CERS2: variants seen among roughly 807,000 people sequenced by gnomAD.
The protein encoded by CERS2 is ceramide synthase 2.
A neutral mutation model predicts 56.6 loss-of-function variants in CERS2; 20 were observed. The ratio of observed to expected loss-of-function variants is 0.35; its 90% CI spans 0.25 to 0.51. The LOEUF (loss-of-function observed/expected upper bound fraction) is 0.51. Among genes scored for constraint, CERS2 ranks in the 20% least tolerant of loss-of-function variants. CERS2 has a pLI of 0.96. For missense variants in CERS2, 361 were observed against 488.6 expected (o/e 0.74, Z 2.46); for synonymous variants, 187 against 175.4 (o/e 1.07, Z -0.52).
rs186574188 is a variant in CERS2, at chr1:150,966,918, C to G, written c.742-56G>C. ...GGCTCCTGACTCCCTCGAGTACATT[C>G]ATATGTACACTCCAGTTAGGAGCAC... On this transcript the variant is annotated intron_variant, in intron 8 of 10. Transcript: ENST00000368954. 114 of 1,416,580 alleles carry G rather than the reference C, an allele frequency of 8.0e-5. No homozygotes were observed. The African/African-American group carries it at 1.4e-3, about 18-fold the overall frequency. 87.8% of individuals were successfully genotyped at this position (1,416,580 alleles called of 1,614,324 possible).
chr1:150,967,581 T>C, intron 6 of CERS2, 83 bp downstream of exon 6: 1 of 1,451,836 alleles, frequency 6.9e-7, no homozygotes, highest in Non-Finnish European at 9.7e-7. Context: ...ATCACTCTAA[T>C]CCCTCTGCCA....
rs893119761 is a variant in CERS2, at chr1:150,969,190, G to A, written c.-1-99C>T. On this transcript the variant is annotated intron_variant, in intron 1 of 10. Transcript: ENST00000368954. ...CAGGATGTATCAAAAGGAGAAGGGGGCAGAGAGTCGAACTCTAGATCCCTA... is the reference window on the plus strand; with the variant it reads ...CAGGATGTATCAAAAGGAGAAGGGGACAGAGAGTCGAACTCTAGATCCCTA... 3.1e-5 allele frequency: 31 copies of A among 1,004,648 alleles called. No homozygotes were observed. The Admixed American group carries it at 3.9e-4, about 13-fold the overall frequency. The allele number at this position is 1,004,648 out of a possible 1,614,324, so 62.2% of individuals were successfully genotyped here. A position where few individuals can be genotyped will look rare whatever the true frequency, so the allele number is the denominator to read the frequency against.
At chr1:150,973,389 G>A (rs1671231325) in intron 1 of CERS2, among the ~76,000 whole-genome samples, 1 of 152,244 alleles carries the variant, frequency 6.6e-6, no homozygotes, top group Admixed American at 6.5e-5. Context: ...CTGGGGCGGT[G>A]TTGAAGGACA....
In CERS2 at chr1:150,967,496, G is replaced by A. The variant is rs762616596; in HGVS notation, c.520-12C>T. 3.2e-6 allele frequency: 5 copies of A among 1,541,144 alleles called. No homozygotes were observed. The Admixed American group carries it at 5.0e-5, about 15-fold the overall frequency. The stretch of plus-strand genomic sequence containing the variant: ...GAAGGGATAGTGCTCTGGGAGAGGA[G>A]AGAGAGGTAAGAGCAACCAGCCGCA... On this transcript the variant is annotated splice_polypyrimidine_tract_variant and intron_variant, in intron 6 of 10. Transcript: ENST00000368954.
At chr1:150,966,318 C>T (rs754066846) in intron 10 of CERS2, 30 bp from the exon 11 acceptor site, 1 of 1,610,024 alleles carries the variant, frequency 6.2e-7, no homozygotes, top group African/African-American at 1.3e-5. Flanking sequence ...AGGGTTATTA[C>T]ATGAGATCCT....
chr1:150,969,021 C>G lies in CERS2; in HGVS notation c.70G>C (p.Asp24His). ...LWLPVNLTWA[D>H]LEDRDGRVYA... ...ACACGTCCATCTCGGTCTTCTAGAT[C>G]GGCCCAGGTCAAGTTCACAGGCAGC... Residue 24 changes from aspartate to histidine, a missense_variant, in exon 2 of 11, where the codon GAT becomes CAT. This residue lies in a region of CERS2 where 236 missense variants were observed against 309.2 expected (regional missense o/e 0.76). Transcript: ENST00000368954. 6.2e-7 allele frequency: 1 copy of G among 1,614,042 alleles called. No homozygotes were observed. Among genetic ancestry groups the G allele is most frequent in the Non-Finnish European group, 8.5e-7 (1 of 1,179,976 alleles).
intron 2 of CERS2, 29 bp from the exon 3 acceptor site, chr1:150,968,541 A>G (rs1671090337): frequency 2.6e-6 from 4 of 1,537,140 alleles, no homozygotes; most frequent in African/African-American, 1.4e-5. Context: ...TAAGGTATCT[A>G]GCTTGCTGGG....
chr1:150,968,437 G>A lies in CERS2; in HGVS notation c.249C>T (p.Thr83=), dbSNP rs746379499. ...CACTGGTCAGGTAGAAATGTTCCAA[G>A]GTGGCGTTGGGAGGTGCCCGCAGCC... ...KTRLRAPPNA[T]LEHFYLTSGK... The change falls in exon 3 of 11, where the codon ACC becomes ACT. Residue 83 remains threonine (T), a synonymous_variant. Transcript: ENST00000368954. The A allele has an allele frequency of 6.2e-7, 1 of 1,614,208 alleles. No homozygotes were observed. Among genetic ancestry groups the A allele is most frequent in the Admixed American group, 1.7e-5 (1 of 60,028 alleles).
intron 7 of CERS2, 64 bp from the exon 8 acceptor site, chr1:150,967,266 C>T (rs1017803833): frequency 6.3e-6 from 10 of 1,578,048 alleles, no homozygotes; most frequent in Non-Finnish European, 8.7e-6. Flanking sequence ...TGCCTTCTTA[C>T]CCCTTGCCTT....
intron 1 of CERS2, among the ~76,000 whole-genome samples, chr1:150,970,777 C>T (rs1260885254): frequency 6.6e-6 from 1 of 152,164 alleles, no homozygotes; most frequent in African/African-American, 2.4e-5. Flanking sequence ...CTTGGCCTCC[C>T]AAAGTGCTGG....
At position 150,969,187 on chromosome 1, in the gene CERS2, G is replaced by T. The variant is rs587653467; in HGVS notation, c.-1-96C>A. ...TTTCAGGATGTATCAAAAGGAGAAG[G>T]GGGCAGAGAGTCGAACTCTAGATCC... On this transcript the variant is annotated intron_variant, in intron 1 of 10. Coordinates refer to ENST00000368954, the MANE Select transcript of CERS2 (RefSeq NM_022075.5). 6.6e-6 allele frequency: 7 copies of T among 1,066,564 alleles called. No homozygotes were observed. The East Asian group carries it at 1.5e-4, about 23-fold the overall frequency. 66.1% of individuals were successfully genotyped at this position (1,066,564 alleles called of 1,614,324 possible).
chr1:150,973,358 G>A (rs1470306323), intron 1 of CERS2, among the ~76,000 whole-genome samples: 2 of 152,218 alleles, frequency 1.3e-5, no homozygotes, highest in Admixed American at 6.5e-5. Flanking sequence ...GCAGGGAGAC[G>A]CCGGTGGGTT....
intron 1 of CERS2, among the ~76,000 whole-genome samples, chr1:150,973,574 G>A (rs1196669698): frequency 6.6e-6 from 1 of 152,214 alleles, no homozygotes; most frequent in Non-Finnish European, 1.5e-5. Context: ...GGTCCTCAGG[G>A]ACAGGACTGC....
rs1278820206 is a variant in CERS2, at chr1:150,968,496, G to A, written c.190C>T (p.Leu64=). Residue 64 remains leucine, a synonymous_variant, in exon 3 of 11, where the codon CTG becomes TTG. Coordinates refer to ENST00000368954, the MANE Select transcript of CERS2 (RefSeq NM_022075.5). ...TCCTTTATGTTCAAGAGGGCAGCCA[G>A]TGGTGTAGCCACGTACCTGGGGAAG... ...YFFELYVATP[L]AALLNIKEKT... is the part of the protein sequence containing the mutation. 6.2e-7 allele frequency: 1 copy of A among 1,613,832 alleles called. No individual in the cohort carries two copies. Among genetic ancestry groups the A allele is most frequent in the Non-Finnish European group, 8.5e-7 (1 of 1,179,794 alleles).
In CERS2 at chr1:150,968,469, TCTC is replaced by T; in HGVS notation, c.214_216del (p.Glu72del). ...TTGGGAGGTGCCCGCAGCCGAGTTT[TCTC>T]CTTTATGTTCAAGAGGGCAGCCAGT... is the stretch of plus-strand genomic sequence containing the variant. On this transcript the variant is annotated inframe_deletion, in exon 3 of 11. Transcript: ENST00000368954. The T allele has an allele frequency of 6.2e-7, 1 of 1,614,162 alleles. No individual in the cohort carries two copies. Among genetic ancestry groups the T allele is most frequent in the South Asian group, 1.1e-5 (1 of 91,090 alleles).
intron 9 of CERS2, 37 bp from the exon 10 acceptor site, chr1:150,966,666 C>G: frequency 1.9e-6 from 3 of 1,611,902 alleles, no homozygotes; most frequent in Non-Finnish European, 2.5e-6. Flanking sequence ...TGGACAAGAG[C>G]AGGTCAGACA....
At position 150,968,934 on chromosome 1, in the gene CERS2, G is replaced by C; in HGVS notation, c.157C>G (p.Arg53Gly). Residue 53 changes from arginine (R) to glycine (G), a missense_variant, in exon 2 of 11, where the codon CGA (arginine) becomes GGA (glycine). Around this residue, in one of 3 missense-constraint regions of CERS2, gnomAD observed 236 missense variants for 309.2 expected, o/e 0.76. Transcript: ENST00000368954. Reference protein sequence around the residue: ...LPLALLFLIVRYFFELYVATP... With the variant: ...LPLALLFLIVGYFFELYVATP... ...CATGCTTACAGCTCAAAGAAGTATC[G>C]AACGATGAGGAAGAGCAAGGCCAGG... 6.2e-7 allele frequency: 1 copy of C among 1,613,408 alleles called. No individual in the cohort carries two copies. The highest frequency in any genetic ancestry group is 8.5e-7 in the Non-Finnish European group (1 of 1,179,916).
At chr1:150,967,741 AGAG>A in intron 5 of CERS2, 27 bp from the exon 6 acceptor site, 1 of 1,613,124 alleles carries the variant, frequency 6.2e-7, no homozygotes, top group Non-Finnish European at 8.5e-7. Context: ...AGAAGTTAAA[AGAG>A]GAGGAACCCA....
intron 4 of CERS2, 39 bp from the exon 5 acceptor site, chr1:150,967,916 C>A (rs1162754173): frequency 6.5e-7 from 1 of 1,542,668 alleles, no homozygotes; most frequent in Non-Finnish European, 9.0e-7. Flanking sequence ...CAGAGGATAG[C>A]ACAGTCCCCC....
Sources: allele counts gnomAD v4.1 joint callset (sites outside exome capture counted in the v4.1 genomes callset), GRCh38; gene constraint gnomAD v4.1.1; regional missense constraint gnomAD v4.1.1; transcripts MANE v1.5; gene names NCBI Gene and HGNC (gene_info 2026-07-23, HGNC 2026-07-21).